The following VEPH1 variants were observed in gnomAD, a reference collection of about 807,000 sequenced individuals.
VEPH1 encodes ventricular zone-expressed PH domain-containing protein homolog 1.
Under a neutral mutation model 85.2 loss-of-function variants are expected in VEPH1, and 80 were observed. The ratio of observed to expected loss-of-function variants is 0.94; its 90% confidence interval spans 0.78 to 1.13. VEPH1 has a LOEUF of 1.13. Ranked by LOEUF, VEPH1 falls within the 50% of genes most tolerant of loss-of-function variation. The pLI, the probability that VEPH1 is intolerant of heterozygous loss-of-function variation, is 0.00. For synonymous variants in VEPH1, 297 were observed against 348.0 expected (o/e 0.85, Z 1.63); for missense variants, 955 against 980.5 (o/e 0.97, Z 0.35).
At chr3:157,483,734 G>C (rs181966503) in intron 2 of VEPH1, among the ~76,000 whole-genome samples, 1 of 151,994 alleles carries the variant, frequency 6.6e-6, no homozygotes, top group Non-Finnish European at 1.5e-5. Flanking sequence ...AAATATTGAA[G>C]ATAAAATAGG....
At chr3:157,363,281 T>C (rs1011804029) in intron 9 of VEPH1, 83 bp downstream of exon 9, 18 of 1,332,058 alleles carry the variant, frequency 1.4e-5, no homozygotes, top group Admixed American at 1.2e-4. Flanking sequence ...GAAAAGAGTA[T>C]GCTAATTTAC....
intron 5 of VEPH1, among the ~76,000 whole-genome samples, chr3:157,423,250 AC>A (rs1732490692): frequency 6.6e-6 from 1 of 152,210 alleles, no homozygotes; most frequent in Non-Finnish European, 1.5e-5. Flanking sequence ...TGCAAAAATA[AC>A]AACATATTGC....
intron 12 of VEPH1, among the ~76,000 whole-genome samples, chr3:157,281,126 A>G (rs138152613): frequency 2.7e-5 from 4 of 150,532 alleles, no homozygotes; most frequent in Non-Finnish European, 4.4e-5. Context: ...GAGACAGAGA[A>G]AGACAGAGAG....
chr3:157,272,939 G>T (rs146480518), intron 12 of VEPH1, among the ~76,000 whole-genome samples: 2 of 152,144 alleles, frequency 1.3e-5, no homozygotes, highest in Non-Finnish European at 2.9e-5. Context: ...ACCAAAGTAC[G>T]CCTACAACTT....
chr3:157,405,723 C>G (rs1731091905), intron 6 of VEPH1, among the ~76,000 whole-genome samples: 1 of 152,204 alleles, frequency 6.6e-6, no homozygotes. Context: ...TAATGCTCTC[C>G]TAAAACTCCC....
chr3:157,374,329 G>C (rs961878175), intron 7 of VEPH1, among the ~76,000 whole-genome samples: 1 of 152,128 alleles, frequency 6.6e-6, no homozygotes, highest in African/African-American at 2.4e-5. Context: ...ATTTACCTTG[G>C]TGGGGCAAAA....
At chr3:157,322,130 C>A (rs906161067) in intron 9 of VEPH1, among the ~76,000 whole-genome samples, 2 of 152,150 alleles carry the variant, frequency 1.3e-5, no homozygotes, top group East Asian at 1.9e-4. Flanking sequence ...CTCCCCTGAG[C>A]CCCTGGCAAC....
chr3:157,330,840 T>A (rs888938995), intron 9 of VEPH1, among the ~76,000 whole-genome samples: 1 of 152,272 alleles, frequency 6.6e-6, no homozygotes, highest in South Asian at 2.1e-4. Flanking sequence ...GAGGCCACTA[T>A]GTTAACAGGC....
intron 3 of VEPH1, among the ~76,000 whole-genome samples, chr3:157,463,796 C>G (rs542641497): frequency 4.6e-5 from 7 of 152,184 alleles, no homozygotes; most frequent in African/African-American, 1.7e-4. Context: ...TTCACATTTT[C>G]AGGATACCTA....
At chr3:157,300,638 A>T (rs1270315762) in intron 11 of VEPH1, among the ~76,000 whole-genome samples, 1 of 152,238 alleles carries the variant, frequency 6.6e-6, no homozygotes, top group African/African-American at 2.4e-5. Flanking sequence ...TTTCTAAAGG[A>T]GATAAGAGGA....
intron 9 of VEPH1, among the ~76,000 whole-genome samples, chr3:157,320,733 CAATAT>C (rs2108548595): frequency 6.6e-6 from 1 of 151,894 alleles, no homozygotes; most frequent in East Asian, 1.9e-4. Flanking sequence ...AGTAATTATA[CAATAT>C]AATGTGTTAT....
chr3:157,437,413 C>G, intron 4 of VEPH1: 1 of 1,403,318 alleles, frequency 7.1e-7, no homozygotes, highest in South Asian at 1.2e-5. Context: ...ATGCCAGGAA[C>G]GGGCTGCAAC....
chr3:157,333,536 CAT>C (rs1364899162), intron 9 of VEPH1, among the ~76,000 whole-genome samples: 1 of 152,228 alleles, frequency 6.6e-6, no homozygotes, highest in Non-Finnish European at 1.5e-5. Context: ...AATACACACA[CAT>C]ACCTCTCTAT....
chr3:157,313,859 A>G (rs1720415161), intron 10 of VEPH1, 104 bp from the exon 11 acceptor site: 4 of 1,360,434 alleles, frequency 2.9e-6, no homozygotes, highest in East Asian at 2.3e-5. Context: ...GAACTTTAAC[A>G]TGATTTAATT....
At chr3:157,274,602 A>T (rs1211774279) in intron 12 of VEPH1, among the ~76,000 whole-genome samples, 1 of 152,088 alleles carries the variant, frequency 6.6e-6, no homozygotes, top group Non-Finnish European at 1.5e-5. Context: ...GGCTCAAGCG[A>T]TTCTCCTGCC....
intron 11 of VEPH1, among the ~76,000 whole-genome samples, chr3:157,295,440 TAA>T (rs565204787): frequency 7.0e-6 from 1 of 141,928 alleles, no homozygotes; most frequent in Non-Finnish European, 1.6e-5. Context: ...TTGAAAAAAT[TAA>T]AAAAAAAAAA....
chr3:157,459,719 T>C, intron 4 of VEPH1: 1 of 1,416,236 alleles, frequency 7.1e-7, no homozygotes, highest in Non-Finnish European at 9.2e-7. Context: ...TTATGCTTGT[T>C]ATCCAAATCA....
In VEPH1 at chr3:157,470,529, C is replaced by T. The variant is rs1433166102; in HGVS notation, c.139G>A (p.Asp47Asn). 1.2e-6 allele frequency: 2 copies of T among 1,613,872 alleles called. No homozygotes were observed. Among genetic ancestry groups the T allele is most frequent in the South Asian group, 2.2e-5 (2 of 91,052 alleles). ...EQIKIISSSS[D>N]YQTNNNDQAV... ...TGGTCATTGTTATTGGTTTGGTAAT[C>T]CTGTTTGGAAAGAAAATCTTCATGT... Residue 47 changes from aspartate to asparagine, a missense_variant and splice_region_variant, in exon 3 of 14, where the codon GAT (aspartate) becomes AAT (asparagine). Asp to Asn is a conservative substitution (Grantham distance 23, BLOSUM62 1). Transcript: ENST00000362010.
intron 9 of VEPH1, among the ~76,000 whole-genome samples, chr3:157,331,404 T>C (rs1722490999): frequency 6.6e-6 from 1 of 152,192 alleles, no homozygotes; most frequent in Non-Finnish European, 1.5e-5. Flanking sequence ...TTACCCCCAT[T>C]GCGTATGCCT....
Sources: gnomAD v4.1 joint callset for allele counts (sites outside exome capture counted in the v4.1 genomes callset) on GRCh38, gnomAD v4.1.1 for gene constraint, MANE v1.5 for transcripts, NCBI Gene and HGNC (gene_info 2026-07-23, HGNC 2026-07-21) for gene names.